Variants in FSHR observed in about 807,000 individuals in gnomAD.
The protein encoded by FSHR is follicle stimulating hormone receptor.
Under a neutral mutation model 52.1 loss-of-function variants are expected in FSHR, and 46 were observed. The observed-to-expected ratio is 0.88, with a 90% CI of 0.70 to 1.13. FSHR has a LOEUF of 1.13. FSHR is among the 50% of genes most tolerant of loss of function. The probability of loss-of-function intolerance (pLI) is 0.00; values close to 1 mark genes in which losing one functional copy is unlikely to be tolerated. For missense variants in FSHR, 964 were observed against 834.6 expected, an observed-to-expected ratio of 1.16 and a Z score of -1.91; for synonymous variants, 399 against 309.6, an observed-to-expected ratio of 1.29 and a Z score of -3.03.
chr2:49,032,150 C>T (rs1016519049), intron 2 of FSHR, among the ~76,000 whole-genome samples: 6 of 152,128 alleles, frequency 3.9e-5, no homozygotes, highest in African/African-American at 1.2e-4. Context: ...TAAGGCCCAA[C>T]GTTTAAAGTT....
chr2:49,139,076 G>T (rs1672583789), intron 1 of FSHR, among the ~76,000 whole-genome samples: 1 of 152,098 alleles, frequency 6.6e-6, no homozygotes, highest in East Asian at 1.9e-4. Context: ...ATTTCACTGG[G>T]CTTCATTTTA....
chr2:49,153,341 A>G (rs1010336005), intron 1 of FSHR, among the ~76,000 whole-genome samples: 19 of 152,212 alleles, frequency 1.2e-4, no homozygotes, highest in Admixed American at 1.1e-3. Context: ...CCAACTTGCC[A>G]GTTCTCAGGG....
chr2:48,962,526 T>A lies in FSHR; in HGVS notation c.*207A>T. 2 of 591,296 alleles carry A rather than the reference T, an allele frequency of 3.4e-6. No homozygotes were observed. Among genetic ancestry groups the A allele is most frequent in the Non-Finnish European group, 6.0e-6 (2 of 334,450 alleles). 36.6% of individuals were successfully genotyped at this position (591,296 alleles called of 1,614,324 possible). On this transcript the variant is annotated 3_prime_UTR_variant, in exon 10 of 10. Coordinates refer to ENST00000406846, the MANE Select transcript of FSHR (RefSeq NM_000145.4). ...TAAAATATGTAATACAGTATTGCAT[T>A]CTTTAATTATTATTGTTGTTACTAA...
In FSHR at chr2:49,078,694, C is replaced by T. The variant is rs117939861; in HGVS notation, c.153-10404G>A. On this transcript the variant is annotated intron_variant, in intron 1 of 9. Transcript: ENST00000406846. ...ATTTGATAAAAATGGAAATCTATCA[C>T]AATAAAAGTTTTTAAGAAAAAAATT... Among the ~76,000 whole-genome samples, 615 of 151,928 alleles carry T rather than the reference C, an allele frequency of 4.0e-3. 13 individuals are homozygous for T. In the East Asian group the frequency reaches 0.051, roughly 13 times the overall value.
intron 1 of FSHR, among the ~76,000 whole-genome samples, chr2:49,127,835 C>CTTTTTTTTT (rs1558456717): frequency 8.4e-5 from 1 of 11,938 alleles, no homozygotes; most frequent in African/African-American, 6.8e-4. Context: ...TCTTCCTCTT[C>CTTTTTTTTT]TTCTTCTTCT....
At chr2:49,069,914 T>G (rs1669668317) in intron 1 of FSHR, among the ~76,000 whole-genome samples, 1 of 152,180 alleles carries the variant, frequency 6.6e-6, no homozygotes, top group South Asian at 2.1e-4. Context: ...TTTTATTGCT[T>G]TAGCCTTCTG....
At chr2:49,131,860 A>G (rs180759229) in intron 1 of FSHR, among the ~76,000 whole-genome samples, 282 of 152,290 alleles carry the variant, frequency 1.9e-3, no homozygotes, top group African/African-American at 6.3e-3. Context: ...ATCCTTTTTT[A>G]TACCCAGCAC....
chr2:49,126,374 C>A (rs114084399), intron 1 of FSHR, among the ~76,000 whole-genome samples: 1,561 of 152,200 alleles, frequency 0.01, 31 homozygotes, highest in African/African-American at 0.036. Flanking sequence ...ACTTTGATAA[C>A]AAACACCATT....
In FSHR at chr2:49,135,507, A is replaced by G. The variant is rs558243019; in HGVS notation, c.152+18759T>C. On this transcript the variant is annotated intron_variant, in intron 1 of 9. Coordinates refer to ENST00000406846, the MANE Select transcript of FSHR (RefSeq NM_000145.4). ...TATAGCTATAAATAGCTGTATTTGA[A>G]AAAAATATTTCAAATTAATAACCCA... 1.3e-3 allele frequency among the ~76,000 whole-genome samples: 195 copies of G among 152,272 alleles called. 1 individual carries two copies. The highest frequency in any genetic ancestry group is 4.4e-3 in the African/African-American group (184 of 41,570).
At chr2:49,071,936 A>G (rs990640699) in intron 1 of FSHR, among the ~76,000 whole-genome samples, 4 of 152,168 alleles carry the variant, frequency 2.6e-5, no homozygotes, top group African/African-American at 7.2e-5. Context: ...CCCGTGACAC[A>G]GTCACCTCCC....
chr2:49,103,458 C>T (rs911253526), intron 1 of FSHR, among the ~76,000 whole-genome samples: 1 of 152,122 alleles, frequency 6.6e-6, no homozygotes, highest in Non-Finnish European at 1.5e-5. Flanking sequence ...TTGTCTTCTT[C>T]CAAGCCAAGA....
chr2:49,023,444 A>G (rs1490288854), intron 2 of FSHR, among the ~76,000 whole-genome samples: 5 of 152,186 alleles, frequency 3.3e-5, no homozygotes, highest in Admixed American at 3.3e-4. Context: ...AGTTTGTGGC[A>G]TTCTTTCACC....
In FSHR at chr2:49,018,936, CAA is replaced by C. The variant is rs372339005; in HGVS notation, c.299+1148_299+1149del. ...TAAATTCATCCTTGTTAAAAAGATA[CAA>C]AAGAGTCAAAAGATTAATGTTCAAG... On this transcript the variant is annotated intron_variant, in intron 3 of 9. Transcript: ENST00000406846. 4.9e-3 allele frequency among the ~76,000 whole-genome samples: 748 copies of C among 152,232 alleles called. 9 individuals are homozygous for C. The highest frequency in any genetic ancestry group is 0.017 in the African/African-American group (716 of 41,550).
chr2:49,049,169 T>C (rs1264065753), intron 2 of FSHR, among the ~76,000 whole-genome samples: 1 of 149,430 alleles, frequency 6.7e-6, no homozygotes, highest in Non-Finnish European at 1.5e-5. Flanking sequence ...GACAAAAACA[T>C]TGAGTTACCA....
chr2:49,009,893 G>A (rs953715075), intron 4 of FSHR, among the ~76,000 whole-genome samples: 47 of 138,868 alleles, frequency 3.4e-4, no homozygotes, highest in African/African-American at 1.1e-3. Flanking sequence ...CTGAGACTTT[G>A]CTGAAGTTGC....
At chr2:49,062,886 T>G (rs1669365508) in intron 2 of FSHR, among the ~76,000 whole-genome samples, 1 of 151,798 alleles carries the variant, frequency 6.6e-6, no homozygotes, top group East Asian at 1.9e-4. Context: ...AAATGGATAT[T>G]ATAAAAAAAA....
chr2:49,086,246 G>T (rs1290614658), intron 1 of FSHR, among the ~76,000 whole-genome samples: 1 of 152,170 alleles, frequency 6.6e-6, no homozygotes. Flanking sequence ...ACATTATAGA[G>T]AAATTTGAAT....
At chr2:49,127,031 A>G (rs757163702) in intron 1 of FSHR, among the ~76,000 whole-genome samples, 2 of 152,178 alleles carry the variant, frequency 1.3e-5, no homozygotes, top group Non-Finnish European at 2.9e-5. Context: ...ATAGAATAAT[A>G]ACCTTGGATG....
Position 48,962,881 on chromosome 2 carries a change from T to C in FSHR, c.1940A>G (p.Tyr647Cys), listed in dbSNP as rs1406436420. ...CCTATAAATTTGGGCTTGCATTTCA[T>C]AGCAGCCACACTTGCTCAGCAGAAT... ...FFILLSKCGC[Y>C]EMQAQIYRTE... is the part of the protein sequence containing the mutation. The change falls in exon 10 of 10, where the codon TAT becomes TGT. Residue 647 changes from tyrosine (Y) to cysteine (C), a missense_variant. Transcript: ENST00000406846. 6.2e-7 allele frequency: 1 copy of C among 1,614,148 alleles called. No individual in the cohort carries two copies. Among genetic ancestry groups the C allele is most frequent in the South Asian group, 1.1e-5 (1 of 91,086 alleles).
Sources: gnomAD v4.1 joint callset for allele counts (sites outside exome capture counted in the v4.1 genomes callset) on GRCh38, gnomAD v4.1.1 for gene constraint, MANE v1.5 for transcripts, NCBI Gene and HGNC (gene_info 2026-07-23, HGNC 2026-07-21) for gene names.